ZFAND4: variants seen among roughly 807,000 people sequenced by gnomAD.
The protein encoded by ZFAND4 is zinc finger AN1-type containing 4.
A neutral mutation model predicts 64.4 loss-of-function variants in ZFAND4; 43 were observed. That is an observed-to-expected ratio of 0.67 (90% CI 0.52 to 0.86). The LOEUF is 0.86. Among genes scored for constraint, ZFAND4 ranks in the 40% least tolerant of loss-of-function variants. The pLI is 0.00. For synonymous variants in ZFAND4, 296 were observed against 305.7 expected (o/e 0.97, Z 0.33); for missense variants, 929 against 859.8 (o/e 1.08, Z -1.01).
intron 2 of ZFAND4, among the ~76,000 whole-genome samples, chr10:45,659,246 C>A (rs1469287554): frequency 1.3e-5 from 2 of 152,132 alleles, no homozygotes; most frequent in Non-Finnish European, 2.9e-5. Flanking sequence ...AGGCCCACTG[C>A]AAGATTTAAT....
chr10:45,640,011 G>A (rs895481779), intron 5 of ZFAND4, 48 bp from the exon 6 acceptor site: 2 of 1,562,348 alleles, frequency 1.3e-6, no homozygotes, highest in African/African-American at 2.8e-5. Flanking sequence ...TACCTGCTCA[G>A]TGACTAAAAA....
chr10:45,627,171 G>A (rs575786272), intron 6 of ZFAND4, 66 bp from the exon 7 acceptor site: 18 of 1,343,930 alleles, frequency 1.3e-5, no homozygotes, highest in Middle Eastern at 2.0e-4. Flanking sequence ...AAAAATTAGC[G>A]AAGGAAGAAA....
At chr10:45,661,061 T>C (rs1182691926) in intron 2 of ZFAND4, among the ~76,000 whole-genome samples, 2 of 151,926 alleles carry the variant, frequency 1.3e-5, no homozygotes, top group Non-Finnish European at 2.9e-5. Context: ...CAGATCTACA[T>C]AAACAAAGGA....
At chr10:45,648,221 T>G in intron 5 of ZFAND4, 73 bp downstream of exon 5, 976 of 1,374,472 alleles carry the variant, frequency 7.1e-4, no homozygotes, top group Non-Finnish European at 8.6e-4. Context: ...GGGGCAGGAA[T>G]GAGATGCATG....
intron 9 of ZFAND4, among the ~76,000 whole-genome samples, chr10:45,617,122 C>T (rs1463056801): frequency 6.6e-6 from 1 of 151,292 alleles, no homozygotes; most frequent in Non-Finnish European, 1.5e-5. Context: ...GGGTATAGAA[C>T]TCTATCAGTA....
At chr10:45,640,376 C>T (rs2046901626) in intron 5 of ZFAND4, 2 of 1,245,012 alleles carry the variant, frequency 1.6e-6, no homozygotes, top group Non-Finnish European at 2.1e-6. Flanking sequence ...TTAAATTTGG[C>T]ACGGGAGAGA....
At chr10:45,634,062 A>G (rs11239578) in intron 6 of ZFAND4, among the ~76,000 whole-genome samples, 2 of 152,154 alleles carry the variant, frequency 1.3e-5, no homozygotes, top group East Asian at 3.9e-4. Context: ...TATCATAATC[A>G]TGTAAAAGGT....
chr10:45,661,094 A>T (rs1212821484), intron 2 of ZFAND4, among the ~76,000 whole-genome samples: 2 of 152,300 alleles, frequency 1.3e-5, no homozygotes, highest in East Asian at 3.9e-4. Flanking sequence ...CTGGTGGCTC[A>T]GGTCTGTAAT....
rs780868712 is a variant in ZFAND4, at chr10:45,627,142, G to A, written c.718-37C>T. The A allele has an allele frequency of 1.1e-4, 158 of 1,484,194 alleles. No homozygotes were observed. In the South Asian group the frequency reaches 2.0e-3, roughly 19 times the overall value. The allele number at this position is 1,484,194 out of a possible 1,614,324, so 91.9% of individuals were successfully genotyped here. ...GAATATACAGTTTCTTTACACAGTC[G>A]TTTTCTCTGCCCATTAACAAAAATT... On this transcript the variant is annotated intron_variant, in intron 6 of 9. Coordinates refer to ENST00000344646, the MANE Select transcript of ZFAND4 (RefSeq NM_174890.4).
At position 45,626,365 on chromosome 10, in the gene ZFAND4, A is replaced by C; in HGVS notation, c.1458T>G (p.Ser486=). 6.2e-7 allele frequency: 1 copy of C among 1,614,214 alleles called. No individual in the cohort carries two copies. The highest frequency in any genetic ancestry group is 8.5e-7 in the Non-Finnish European group (1 of 1,180,034). Reference sequence around the variant, plus strand: ...TGGACTGTCTCTCTGGTTTCACCAGAGAATTATGTAGCGACATTGGTGCAG... The same window carrying C: ...TGGACTGTCTCTCTGGTTTCACCAGCGAATTATGTAGCGACATTGGTGCAG... ...RCSAPMSLHN[S]LVKPERQSKC... The change falls in exon 7 of 10, where the codon TCT becomes TCG. Residue 486 remains serine, a synonymous_variant. Transcript: ENST00000344646.
chr10:45,639,755 T>A (rs1364513151), intron 6 of ZFAND4, 61 bp downstream of exon 6: 1 of 1,521,980 alleles, frequency 6.6e-7, no homozygotes, highest in Non-Finnish European at 8.8e-7. Flanking sequence ...ACAGACCTCA[T>A]TGCTGAGTGC....
chr10:45,628,050 G>C (rs946895454), intron 6 of ZFAND4, among the ~76,000 whole-genome samples: 9 of 152,152 alleles, frequency 5.9e-5, no homozygotes, highest in African/African-American at 2.2e-4. Context: ...TGGCATGGTA[G>C]ATTTTTTAAA....
At chr10:45,641,474 CA>C (rs1369722622) in intron 5 of ZFAND4, among the ~76,000 whole-genome samples, 1 of 151,984 alleles carries the variant, frequency 6.6e-6, no homozygotes, top group African/African-American at 2.4e-5. Context: ...CACACAAGGC[CA>C]AAAAAGAGAG....
intron 2 of ZFAND4, among the ~76,000 whole-genome samples, chr10:45,659,912 T>C (rs1214796194): frequency 6.6e-6 from 1 of 152,040 alleles, no homozygotes; most frequent in Non-Finnish European, 1.5e-5. Flanking sequence ...GCGCGGTGGC[T>C]CACGCCTGGA....
chr10:45,655,954 G>A (rs1254731436), intron 2 of ZFAND4, among the ~76,000 whole-genome samples: 9 of 152,178 alleles, frequency 5.9e-5, no homozygotes, highest in South Asian at 4.1e-4. Flanking sequence ...GGTACTGGCC[G>A]GGCGCAGTGG....
At position 45,626,803 on chromosome 10, in the gene ZFAND4, C is replaced by G. The variant is rs182337613; in HGVS notation, c.1020G>C (p.Gln340His). The stretch of plus-strand genomic sequence containing the variant: ...CATTTCCCAACTCCAAATGGGGTAT[C>G]TGAGGAGGTAGTTTGACGTTGCTAC... ...HFSSNVKLPP[Q>H]IPHLELGNDQ... Residue 340 changes from glutamine to histidine, a missense_variant, in exon 7 of 10, where the codon CAG (glutamine) becomes CAC (histidine). Physicochemically the swap from Gln to His is conservative, Grantham distance 24. Transcript: ENST00000344646. 10 of 1,614,184 alleles carry G rather than the reference C, an allele frequency of 6.2e-6. No individual in the cohort carries two copies. The East Asian group carries it at 8.9e-5, about 14-fold the overall frequency.
intron 5 of ZFAND4, among the ~76,000 whole-genome samples, chr10:45,640,796 T>A (rs1191604134): frequency 1.3e-5 from 2 of 152,182 alleles, no homozygotes; most frequent in Non-Finnish European, 2.9e-5. Flanking sequence ...AGCCAATACA[T>A]TTTTTTAAGT....
Position 45,652,007 on chromosome 10 carries a change from A to G in ZFAND4, c.287T>C (p.Leu96Pro), listed in dbSNP as rs914577177. The change falls in exon 4 of 10, where the codon CTA becomes CCA. Residue 96 changes from leucine to proline, a missense_variant. Physicochemically the swap from Leu to Pro is moderately conservative, Grantham distance 98. Coordinates refer to ENST00000344646, the MANE Select transcript of ZFAND4 (RefSeq NM_174890.4). ...YNISEGCTLK[L>P]VLAMRGGPIN... is the part of the protein sequence containing the mutation. ...AGGTCCGCCACGCATAGCCAAAACTAGCTTCAAGGTACACCCTTCTGAAAT... is the reference window on the plus strand; with the variant it reads ...AGGTCCGCCACGCATAGCCAAAACTGGCTTCAAGGTACACCCTTCTGAAAT... The G allele has an allele frequency of 6.2e-7, 1 of 1,613,900 alleles. No individual in the cohort carries two copies. Among genetic ancestry groups the G allele is most frequent in the African/African-American group, 1.3e-5 (1 of 75,058 alleles).
At chr10:45,635,214 C>CAAAAAAAA (rs76130878) in intron 6 of ZFAND4, among the ~76,000 whole-genome samples, 3 of 68,254 alleles carry the variant, frequency 4.4e-5, no homozygotes, top group Non-Finnish European at 8.8e-5. Flanking sequence ...AAAAAAAAAA[C>CAAAAAAAA]AAAAAAAAAA....
Sources: allele counts gnomAD v4.1 joint callset (sites outside exome capture counted in the v4.1 genomes callset), GRCh38; gene constraint gnomAD v4.1.1; transcripts MANE v1.5; gene names NCBI Gene and HGNC (gene_info 2026-07-23, HGNC 2026-07-21).